Variants in LSS observed in about 807,000 individuals in gnomAD.
LSS encodes the protein lanosterol synthase.
A neutral mutation model predicts 110.3 loss-of-function variants in LSS; 90 were observed. That is an observed-to-expected ratio of 0.82 (90% CI 0.69 to 0.97). The LOEUF (loss-of-function observed/expected upper bound fraction) is 0.97. Among genes scored for constraint, LSS ranks in the 50% least tolerant of loss-of-function variants. The pLI, the probability that LSS is intolerant of heterozygous loss-of-function variation, is 0.00. For synonymous variants in LSS, 433 were observed against 400.0 expected, an observed-to-expected ratio of 1.08 and a Z score of -0.98; for missense variants, 927 against 990.0, an observed-to-expected ratio of 0.94 and a Z score of 0.85.
At chr21:46,225,313 G>A in intron 3 of LSS, 1 of 438,350 alleles carries the variant, frequency 2.3e-6, no homozygotes, top group Non-Finnish European at 4.6e-6. Context: ...GCCCGGACAA[G>A]GCCACTAGAG....
At chr21:46,212,312 A>AGACTCCG (rs1263532294) in intron 11 of LSS, among the ~76,000 whole-genome samples, 3 of 152,192 alleles carry the variant, frequency 2.0e-5, no homozygotes, top group Non-Finnish European at 1.5e-5. Context: ...ACACCTCTGG[A>AGACTCCG]GACTCCACAT....
intron 8 of LSS, 129 bp downstream of exon 8, chr21:46,215,556 C>T: frequency 1.5e-6 from 1 of 677,944 alleles, no homozygotes; most frequent in South Asian, 1.9e-5. Context: ...GCGATGAGAT[C>T]CCGCCCCCTG....
intron 16 of LSS, 148 bp downstream of exon 16, chr21:46,206,524 T>C: frequency 4.3e-6 from 3 of 690,332 alleles, no homozygotes; most frequent in Non-Finnish European, 7.6e-6. Flanking sequence ...CAGAACAGCC[T>C]GGGCTGAGGG....
In LSS at chr21:46,228,472, G is replaced by A; in HGVS notation, c.142C>T (p.Gln48Ter). 6.2e-7 allele frequency: 1 copy of A among 1,603,540 alleles called. No homozygotes were observed. Reference sequence around the variant, plus strand: ...AGGGCGTAGGCTTCCAGGCCGGTCTGCTCGCGGCCGGCGCGCTCGTCCTGC... The same window carrying A: ...AGGGCGTAGGCTTCCAGGCCGGTCTACTCGCGGCCGGCGCGCTCGTCCTGC... ...YLQDERAGRE[Q>*]TGLEAYALGL... Residue 48 changes from glutamine to a stop codon, truncating the protein, a stop_gained, in exon 2 of 22, where the codon CAG becomes TAG. Transcript: ENST00000397728. LOFTEE classifies it high-confidence loss of function.
At chr21:46,206,044 G>C in intron 16 of LSS, 103 bp from the exon 17 acceptor site, 1 of 862,118 alleles carries the variant, frequency 1.2e-6, no homozygotes, top group South Asian at 1.6e-5. Context: ...CAGTGAGCCC[G>C]GGCCCGGACG....
chr21:46,222,012 G>A (rs751794089), intron 4 of LSS, 37 bp from the exon 5 acceptor site: 5 of 1,604,120 alleles, frequency 3.1e-6, no homozygotes, highest in Non-Finnish European at 4.3e-6. Flanking sequence ...ACCGGTATCT[G>A]TCCTTACTTC....
chr21:46,227,329 T>G, intron 3 of LSS: 1 of 563,716 alleles, frequency 1.8e-6, no homozygotes, highest in Non-Finnish European at 3.1e-6. Flanking sequence ...AGAGAACCAC[T>G]TGCTTCTCTT....
chr21:46,228,414 G>GCTC lies in LSS; in HGVS notation c.180+17_180+19dup. ...CCCTCAGGGTCCCGAGCTCGCTGAC[G>GCTC]CTCCGCGGAAGCAACTTACGGTGTC... On this transcript the variant is annotated intron_variant, in intron 2 of 21. Transcript: ENST00000397728. The GCTC allele has an allele frequency of 6.3e-7, 1 of 1,598,844 alleles. No individual in the cohort carries two copies. Among genetic ancestry groups the GCTC allele is most frequent in the African/African-American group, 1.3e-5 (1 of 74,560 alleles).
In LSS at chr21:46,215,671, C is replaced by T; in HGVS notation, c.892+14G>A. ...ACCCTGGGCTGCCCTGCCGGCCCCT[C>T]AGGAGGCGCTCACCATATACCACGC... On this transcript the variant is annotated intron_variant, in intron 8 of 21. Coordinates refer to ENST00000397728, the MANE Select transcript of LSS (RefSeq NM_002340.6). 1.3e-6 allele frequency: 2 copies of T among 1,586,374 alleles called. No homozygotes were observed. Among genetic ancestry groups the T allele is most frequent in the Non-Finnish European group, 1.7e-6 (2 of 1,160,650 alleles).
Position 46,209,532 on chromosome 21 carries a change from G to C in LSS, c.1266+22C>G, listed in dbSNP as rs1164860406. 1 of 1,591,556 alleles carries C rather than the reference G, an allele frequency of 6.3e-7. No individual in the cohort carries two copies. The highest frequency in any genetic ancestry group is 1.8e-5 in the Admixed American group (1 of 56,386). ...CTGATCCCCCTCTTCAGCCCCCTCAGAGCCCCAGGCACCGGCCTCACCTGT... is the reference window on the plus strand; with the variant it reads ...CTGATCCCCCTCTTCAGCCCCCTCACAGCCCCAGGCACCGGCCTCACCTGT... On this transcript the variant is annotated intron_variant, in intron 13 of 21. Transcript: ENST00000397728. This position sits in a 1 kb window ranked among gnomAD's most constrained non-coding sequence, Gnocchi z 4.4.
intron 16 of LSS, 130 bp from the exon 17 acceptor site, chr21:46,206,071 C>T: frequency 1.5e-6 from 1 of 654,772 alleles, no homozygotes; most frequent in South Asian, 1.9e-5. Context: ...CCCTGACCAA[C>T]CTCCAGAGCA....
At chr21:46,217,490 C>A (rs1182959077) in intron 6 of LSS, among the ~76,000 whole-genome samples, 1 of 152,200 alleles carries the variant, frequency 6.6e-6, no homozygotes, top group Non-Finnish European at 1.5e-5. Context: ...CTTCCCTGCT[C>A]CCTGACTGTG....
In LSS at chr21:46,191,207, G is replaced by A. The variant is rs543147616; in HGVS notation, c.2096C>T (p.Ser699Phe). 28 of 1,613,996 alleles carry A rather than the reference G, an allele frequency of 1.7e-5. No individual in the cohort carries two copies. Among genetic ancestry groups the A allele is most frequent in the Non-Finnish European group, 2.4e-5 (28 of 1,180,010 alleles). ...QENIAGVFNK[S>F]CAISYTSYRN... ...GTAGCTCGTGTAGGAGATGGCACAGGACTTGTTGAAGACCCCAGCAATGTT... is the reference window on the plus strand; with the variant it reads ...GTAGCTCGTGTAGGAGATGGCACAGAACTTGTTGAAGACCCCAGCAATGTT... Residue 699 changes from serine to phenylalanine, a missense_variant, in exon 22 of 22, where the codon TCC becomes TTC. Coordinates refer to ENST00000397728, the MANE Select transcript of LSS (RefSeq NM_002340.6).
In LSS at chr21:46,206,645, G is replaced by GCGC. The variant is rs1445254144; in HGVS notation, c.1564+24_1564+26dup. The GCGC allele has an allele frequency of 5.7e-6, 9 of 1,589,160 alleles. No individual in the cohort carries two copies. In the African/African-American group the frequency reaches 1.1e-4, roughly 19 times the overall value. ...CAGTGCTAGCCAGCCCCGGGTTTGC[G>GCGC]CGCCGCAGTGCTGGCCGACCACTCA... On this transcript the variant is annotated intron_variant, in intron 16 of 21. Transcript: ENST00000397728.
In LSS at chr21:46,189,805, C is replaced by T. The variant is rs754480672; in HGVS notation, c.*1299G>A. ...GCCCTGGGCAAGGCAGCAGGGGTAA[C>T]GAAGCTCTCAGTGACTCCTCCCAGT... is the stretch of plus-strand genomic sequence containing the variant. On this transcript the variant is annotated 3_prime_UTR_variant, in exon 22 of 22. Transcript: ENST00000397728. The T allele has an allele frequency of 1.8e-5, 8 of 441,760 alleles. No individual in the cohort carries two copies. Among genetic ancestry groups the T allele is most frequent in the South Asian group, 3.2e-5 (2 of 62,162 alleles). The allele number at this position is 441,760 out of a possible 1,614,324, so 27.4% of individuals were successfully genotyped here.
chr21:46,197,180 G>A (rs980054594), intron 17 of LSS, among the ~76,000 whole-genome samples: 2 of 152,216 alleles, frequency 1.3e-5, no homozygotes, highest in African/African-American at 4.8e-5. Flanking sequence ...AATAGTCAAA[G>A]TACAAATTAG....
At position 46,222,679 on chromosome 21, in the gene LSS, T is replaced by C. The variant is rs1048153880; in HGVS notation, c.379A>G (p.Ile127Val). 1 of 1,613,848 alleles carries C rather than the reference T, an allele frequency of 6.2e-7. No homozygotes were observed. The highest frequency in any genetic ancestry group is 8.5e-7 in the Non-Finnish European group (1 of 1,180,014). Residue 127 changes from isoleucine (I) to valine (V), a missense_variant, in exon 4 of 22, where the codon ATT (isoleucine) becomes GTT (valine). Physicochemically the swap from Ile to Val is conservative, Grantham distance 29 (BLOSUM62 3). Coordinates refer to ENST00000397728, the MANE Select transcript of LSS (RefSeq NM_002340.6). ...TGCACTGACCGCAGGTACCGCACAA[T>C]CTCTTCTCTGTATCCGGCTGGCAGA... ...IPLPAGYREE[I>V]VRYLRSVQLP... is the part of the protein sequence containing the mutation.
rs1166853119 is a variant in LSS, at chr21:46,216,152, T to C, written c.783+237A>G. On this transcript the variant is annotated intron_variant, in intron 7 of 21. Coordinates refer to ENST00000397728, the MANE Select transcript of LSS (RefSeq NM_002340.6). The surrounding 1 kb of genome is among the most constrained non-coding windows in gnomAD (Gnocchi z 4.2). Reference sequence around the variant, plus strand: ...TCCTGCATCCCTTGAGTCCTGGAAGTCCCCCCCAGGAACCCTGGGCTACAG... The same window carrying C: ...TCCTGCATCCCTTGAGTCCTGGAAGCCCCCCCCAGGAACCCTGGGCTACAG... Among the ~76,000 whole-genome samples the C allele has an allele frequency of 2.0e-5, 3 of 151,842 alleles. No homozygotes were observed. The highest frequency in any genetic ancestry group is 4.4e-5 in the Non-Finnish European group (3 of 67,952).
At chr21:46,203,154 T>G (rs11702145) in intron 17 of LSS, among the ~76,000 whole-genome samples, 22,174 of 152,272 alleles carry the variant, frequency 0.15, 1,699 homozygotes, top group Middle Eastern at 0.18. Flanking sequence ...GGATGGGGGC[T>G]GACCCAGGCA....
Sources: gnomAD v4.1 joint callset for allele counts (sites outside exome capture counted in the v4.1 genomes callset) on GRCh38, gnomAD v4.1.1 for gene constraint, Gnocchi (gnomAD v3.1) non-coding constraint, MANE v1.5 for transcripts, NCBI Gene and HGNC (gene_info 2026-07-23, HGNC 2026-07-21) for gene names.